The following PCDHA2 variants were observed in gnomAD, a reference collection of about 807,000 sequenced individuals.
PCDHA2 encodes protocadherin alpha-2.
PCDHA2 carries 58 observed loss-of-function variants against 66.0 expected under a neutral mutation model. The observed-to-expected ratio is 0.88, with a 90% CI of 0.71 to 1.09. The LOEUF is 1.09. Ranked by LOEUF, PCDHA2 falls within the 50% of genes least tolerant of loss-of-function variation. The pLI, the probability that PCDHA2 is intolerant of heterozygous loss-of-function variation, is 0.00. For missense variants in PCDHA2, 1,267 were observed against 1,242.3 expected (o/e 1.02, Z -0.30); for synonymous variants, 634 against 554.0 (o/e 1.14, Z -2.03).
At chr5:140,830,452 G>A (rs1771077963) in intron 1 of PCDHA2, 2 of 1,597,194 alleles carry the variant, frequency 1.3e-6, no homozygotes, top group African/African-American at 1.3e-5. Flanking sequence ...GTAAGGCGGA[G>A]AATCAGGATT....
chr5:140,808,301 A>G (rs782259868), intron 1 of PCDHA2: 2 of 1,614,240 alleles, frequency 1.2e-6, no homozygotes, highest in South Asian at 2.2e-5. Flanking sequence ...CATCGCCCTG[A>G]TCAGCGTGTC....
intron 1 of PCDHA2, chr5:140,850,667 G>A (rs2150492921): frequency 2.5e-6 from 4 of 1,598,380 alleles, no homozygotes; most frequent in East Asian, 2.2e-5. Flanking sequence ...TGCGGTGCTC[G>A]GCGATGCCCA....
intron 3 of PCDHA2, among the ~76,000 whole-genome samples, chr5:141,001,681 A>G (rs2153971146): frequency 6.6e-6 from 1 of 151,672 alleles, no homozygotes; most frequent in East Asian, 2.0e-4. Context: ...GGTCCAACAA[A>G]CCCCACAGAT....
intron 1 of PCDHA2, among the ~76,000 whole-genome samples, chr5:140,956,370 A>G (rs1229960310): frequency 6.6e-6 from 1 of 152,152 alleles, no homozygotes; most frequent in East Asian, 1.9e-4. Context: ...GGGATGTTGA[A>G]TTTTATCGAA....
At chr5:140,868,823 G>T (rs576498570) in intron 1 of PCDHA2, 2 of 397,532 alleles carry the variant, frequency 5.0e-6, no homozygotes, top group East Asian at 8.3e-5. Flanking sequence ...ATATTTGGGG[G>T]AAGAAACCCA....
chr5:140,811,770 A>T (rs1456844883), intron 1 of PCDHA2: 1 of 152,036 alleles, frequency 6.6e-6, no homozygotes, highest in Non-Finnish European at 1.5e-5. Flanking sequence ...GCATTTTTTC[A>T]TGTGTCTGTT....
At chr5:140,876,204 G>A (rs1582266262) in intron 1 of PCDHA2, 1 of 1,613,934 alleles carries the variant, frequency 6.2e-7, no homozygotes, top group Non-Finnish European at 8.5e-7. Flanking sequence ...CGTTTGATAA[G>A]CCCAGCTATA....
At chr5:140,906,218 A>G (rs2072464720) in intron 1 of PCDHA2, among the ~76,000 whole-genome samples, 1 of 152,176 alleles carries the variant, frequency 6.6e-6, no homozygotes, top group African/African-American at 2.4e-5. Flanking sequence ...ATTAACCATC[A>G]CAAGTCCTCC....
intron 1 of PCDHA2, 168 bp from the exon 2 acceptor site, chr5:140,978,781 A>G (rs4461687): frequency 4.1e-6 from 4 of 969,772 alleles, no homozygotes; most frequent in South Asian, 4.8e-5. Context: ...ATTTTCTTCT[A>G]AAGTGCTATA....
chr5:140,882,886 G>C, intron 1 of PCDHA2: 1 of 1,614,200 alleles, frequency 6.2e-7, no homozygotes, highest in Non-Finnish European at 8.5e-7. Context: ...AGGAAATTCA[G>C]GAACATAGTT....
intron 1 of PCDHA2, among the ~76,000 whole-genome samples, chr5:140,960,218 A>G (rs2095532618): frequency 6.6e-6 from 1 of 152,206 alleles, no homozygotes; most frequent in Non-Finnish European, 1.5e-5. Flanking sequence ...CAGGATCTCA[A>G]GAAACAGAGC....
chr5:140,848,807 C>G, intron 1 of PCDHA2: 1 of 1,591,972 alleles, frequency 6.3e-7, no homozygotes, highest in East Asian at 2.2e-5. Context: ...AGTGCAGCAT[C>G]CACCTGGAGG....
chr5:140,838,120 G>T (rs1045969296), intron 1 of PCDHA2, among the ~76,000 whole-genome samples: 1 of 146,176 alleles, frequency 6.8e-6, no homozygotes, highest in Non-Finnish European at 1.5e-5. Flanking sequence ...GTGTGTGTGT[G>T]TGTGTGTGTG....
intron 3 of PCDHA2, among the ~76,000 whole-genome samples, chr5:140,995,545 T>C (rs998594175): frequency 1.3e-5 from 2 of 152,206 alleles, no homozygotes; most frequent in Non-Finnish European, 2.9e-5. Flanking sequence ...TAAGGGGCGA[T>C]CACTGTACTG....
At chr5:140,926,607 C>T (rs887450914) in intron 1 of PCDHA2, 1 of 348,974 alleles carries the variant, frequency 2.9e-6, no homozygotes, top group Non-Finnish European at 5.1e-6. Context: ...GGCCTCGTCT[C>T]TGCACCCCTA....
Position 140,797,155 on chromosome 5 carries a change from G to A in PCDHA2, c.2191G>A (p.Ala731Thr). ...LRCSVPPTEG[A>T]RAPGKPTLVC... is the part of the protein sequence containing the mutation. Reference sequence around the variant, plus strand: ...GTGCTCGGTGCCACCCACCGAGGGTGCGCGCGCGCCAGGAAAGCCCACGCT... The same window carrying A: ...GTGCTCGGTGCCACCCACCGAGGGTACGCGCGCGCCAGGAAAGCCCACGCT... The change falls in exon 1 of 4, where the codon GCG becomes ACG. Residue 731 changes from alanine to threonine, a missense_variant. Transcript: ENST00000526136. 1 of 1,613,980 alleles carries A rather than the reference G, an allele frequency of 6.2e-7. No individual in the cohort carries two copies. Among genetic ancestry groups the A allele is most frequent in the Non-Finnish European group, 8.5e-7 (1 of 1,179,988 alleles).
chr5:140,931,473 A>G (rs2087545332), intron 1 of PCDHA2, among the ~76,000 whole-genome samples: 1 of 152,066 alleles, frequency 6.6e-6, no homozygotes, highest in Admixed American at 6.6e-5. Flanking sequence ...TGACAGAGGA[A>G]AAAACAACCC....
At chr5:140,848,487 G>C (rs782524885) in intron 1 of PCDHA2, 2 of 1,574,380 alleles carry the variant, frequency 1.3e-6, no homozygotes, top group Non-Finnish European at 1.7e-6. Flanking sequence ...AGAAGACTGA[G>C]TATTTGAAAT....
intron 2 of PCDHA2, among the ~76,000 whole-genome samples, chr5:140,981,925 T>C (rs2096957903): frequency 1.3e-5 from 2 of 152,160 alleles, no homozygotes; most frequent in South Asian, 2.1e-4. Flanking sequence ...CAAGTTTCTC[T>C]AGTCTCAGGA....
Sources: gnomAD v4.1 joint callset for allele counts (sites outside exome capture counted in the v4.1 genomes callset) on GRCh38, gnomAD v4.1.1 for gene constraint, MANE v1.5 for transcripts, NCBI Gene and HGNC (gene_info 2026-07-23, HGNC 2026-07-21) for gene names.